FAT1: variants seen among roughly 807,000 people sequenced by gnomAD.
FAT1 encodes protocadherin Fat 1.
A neutral mutation model predicts 329.8 loss-of-function variants in FAT1; 171 were observed. The observed-to-expected ratio is 0.52, with a 90% CI of 0.46 to 0.59. FAT1 has a LOEUF of 0.59. FAT1 is among the 20% of genes least tolerant of loss of function. The probability of loss-of-function intolerance (pLI) is 0.00; values close to 1 mark genes in which losing one functional copy is unlikely to be tolerated. For synonymous variants in FAT1, 2,233 were observed against 2,228.6 expected (o/e 1.00, Z -0.06); for missense variants, 5,672 against 5,774.4 (o/e 0.98, Z 0.57).
chr4:186,688,569 T>C (rs1233659587), intron 2 of FAT1, among the ~76,000 whole-genome samples: 1 of 151,862 alleles, frequency 6.6e-6, no homozygotes, highest in Non-Finnish European at 1.5e-5. Context: ...TCGGAAGAAA[T>C]GAAGGGGGAC....
chr4:186,695,282 G>C (rs1208256448), intron 2 of FAT1, among the ~76,000 whole-genome samples: 1 of 152,146 alleles, frequency 6.6e-6, no homozygotes, highest in African/African-American at 2.4e-5. Flanking sequence ...TACAGCCCAA[G>C]GACACAACAC....
intron 9 of FAT1, among the ~76,000 whole-genome samples, chr4:186,627,651 T>C (rs889861187): frequency 2.6e-4 from 40 of 151,978 alleles, no homozygotes; most frequent in African/African-American, 9.7e-4. Context: ...TCCAGGTAAA[T>C]GTGGAAGGGG....
intron 17 of FAT1, 126 bp downstream of exon 17, chr4:186,605,944 C>A: frequency 1.2e-6 from 1 of 857,448 alleles, no homozygotes; most frequent in Non-Finnish European, 1.8e-6. Flanking sequence ...CTGATAGCGA[C>A]TTCTTGAATT....
rs781727602 is a variant in FAT1, at chr4:186,621,760, G to A, written c.4826C>T (p.Ser1609Phe). 1.5e-5 allele frequency: 23 copies of A among 1,566,566 alleles called. No individual in the cohort carries two copies. Among genetic ancestry groups the A allele is most frequent in the Non-Finnish European group, 3.5e-6 (4 of 1,158,562 alleles). ...YSIESGNIGN[S>F]FMIDPVLGSI... ...GCCCAAGACAGGATCAATCATAAAA[G>A]AATTTCCAATATTTCCTGGAAGGAG... The change falls in exon 10 of 27, where the codon TCT (serine) becomes TTT (phenylalanine). Residue 1609 changes from serine to phenylalanine, a missense_variant. Coordinates refer to ENST00000441802, the MANE Select transcript of FAT1 (RefSeq NM_005245.4).
Position 186,621,317 on chromosome 4 carries a change from C to T in FAT1, c.5269G>A (p.Asp1757Asn), listed in dbSNP as rs369520905. The change falls in exon 10 of 27, where the codon GAT (aspartate) becomes AAT (asparagine). Residue 1757 changes from aspartate to asparagine, a missense_variant. Physicochemically the swap from Asp to Asn is conservative, Grantham distance 23. Coordinates refer to ENST00000441802, the MANE Select transcript of FAT1 (RefSeq NM_005245.4). ...AAAACTGGCGCGTTGTCATTCTCAT[C>T]CTGCAAGTGAACTAGAACCGTTGTA... ...TNTTVLVHLQ[D>N]ENDNAPVFMQ... 2.0e-5 allele frequency: 32 copies of T among 1,614,036 alleles called. 1 individual carries two copies. In the African/African-American group the frequency reaches 3.5e-4, roughly 17 times the overall value.
chr4:186,659,713 G>A (rs973015599), intron 3 of FAT1, among the ~76,000 whole-genome samples: 2 of 150,618 alleles, frequency 1.3e-5, no homozygotes, highest in African/African-American at 4.9e-5. Context: ...GGGCGCTCCT[G>A]CACTCTACAC....
rs761484996 is a variant in FAT1 at position 186,611,560 on chromosome 4, G to A, written c.9679C>T (p.Pro3227Ser). 5.6e-6 allele frequency: 9 copies of A among 1,613,838 alleles called. No homozygotes were observed. Among genetic ancestry groups the A allele is most frequent in the Non-Finnish European group, 7.6e-6 (9 of 1,179,836 alleles). Residue 3227 changes from proline to serine, a missense_variant, in exon 14 of 27, where the codon CCC becomes TCC. Transcript: ENST00000441802. Reference protein sequence around the residue: ...IVSVLDINDNPPVFEYREYGA... With the variant: ...IVSVLDINDNSPVFEYREYGA... ...TATTCACGGTACTCAAACACAGGGG[G>A]GTTGTCATTTATGTCAAGAACTGAT...
At chr4:186,701,460 C>G (rs10031624) in intron 2 of FAT1, among the ~76,000 whole-genome samples, 66,587 of 152,038 alleles carry the variant, frequency 0.44, 16,938 homozygotes, top group Non-Finnish European at 0.58. Context: ...GCTGCCACTT[C>G]AGGGAGGAGC....
chr4:186,689,576 C>T (rs1743646549), intron 2 of FAT1, among the ~76,000 whole-genome samples: 1 of 152,286 alleles, frequency 6.6e-6, no homozygotes, highest in African/African-American at 2.4e-5. Flanking sequence ...ACAAGAATTG[C>T]TTCACTGTAA....
Position 186,590,313 on chromosome 4 carries a change from G to A in FAT1, c.13139-1093C>T, listed in dbSNP as rs1040310537. The A allele has an allele frequency of 4.3e-6, 5 of 1,160,260 alleles. No homozygotes were observed. The Admixed American group carries it at 6.9e-5, about 16-fold the overall frequency. The allele number at this position is 1,160,260 out of a possible 1,614,324, so 71.9% of individuals were successfully genotyped here. ...CGTAGTCAGTCAGCACTGGGGCAAGGCTTGACCCATTGTTTTTAGTGAGTA... is the reference window on the plus strand; with the variant it reads ...CGTAGTCAGTCAGCACTGGGGCAAGACTTGACCCATTGTTTTTAGTGAGTA... On this transcript the variant is annotated intron_variant, in intron 26 of 26. Coordinates refer to ENST00000441802, the MANE Select transcript of FAT1 (RefSeq NM_005245.4).
intron 17 of FAT1, among the ~76,000 whole-genome samples, chr4:186,605,282 A>G (rs1172269803): frequency 2.3e-4 from 23 of 101,324 alleles, no homozygotes; most frequent in Non-Finnish European, 3.4e-4. Context: ...GAAAGAGAAG[A>G]GGTTGACAAG....
At chr4:186,616,955 T>A in intron 11 of FAT1, 50 bp downstream of exon 11, 1 of 1,519,112 alleles carries the variant, frequency 6.6e-7, no homozygotes, top group Non-Finnish European at 9.0e-7. Flanking sequence ...ATTGAAAGAA[T>A]TAAGAAATTG....
chr4:186,676,019 C>G (rs1742942393), intron 2 of FAT1, among the ~76,000 whole-genome samples: 1 of 151,942 alleles, frequency 6.6e-6, no homozygotes. Flanking sequence ...AAAATGAGGT[C>G]CTATGAGAAG....
chr4:186,694,530 T>C (rs555497186), intron 2 of FAT1, among the ~76,000 whole-genome samples: 1 of 152,248 alleles, frequency 6.6e-6, no homozygotes, highest in South Asian at 2.1e-4. Flanking sequence ...AAAACTACTT[T>C]TAGTTTACAT....
intron 22 of FAT1, among the ~76,000 whole-genome samples, chr4:186,599,365 G>A (rs1738683996): frequency 1.3e-5 from 2 of 152,238 alleles, no homozygotes; most frequent in African/African-American, 4.8e-5. Context: ...TGGTAAGTGG[G>A]CCTAACAGGA....
chr4:186,695,500 G>C (rs1223677627), intron 2 of FAT1, among the ~76,000 whole-genome samples: 1 of 152,136 alleles, frequency 6.6e-6, no homozygotes, highest in African/African-American at 2.4e-5. Context: ...ATATTAAAAA[G>C]GACAAATTTA....
At position 186,654,994 on chromosome 4, in the gene FAT1, A is replaced by T. The variant is rs114752052; in HGVS notation, c.3580+8305T>A. Among the ~76,000 whole-genome samples the T allele has an allele frequency of 4.0e-3, 614 of 152,304 alleles. 6 individuals carry two copies. The highest frequency in any genetic ancestry group is 0.014 in the African/African-American group (579 of 41,560). ...AGAAACATTAAGCTGAAACAAACTC[A>T]AAACACAAAACCTCCATTAAGAAGA... On this transcript the variant is annotated intron_variant, in intron 3 of 26. Transcript: ENST00000441802.
intron 2 of FAT1, among the ~76,000 whole-genome samples, chr4:186,685,174 TCAAA>T (rs753162252): frequency 2.6e-5 from 4 of 152,112 alleles, no homozygotes; most frequent in Non-Finnish European, 5.9e-5. Flanking sequence ...TACACTGAGA[TCAAA>T]CAAAGCATTC....
intron 14 of FAT1, among the ~76,000 whole-genome samples, chr4:186,610,578 A>G (rs1186138047): frequency 6.9e-6 from 1 of 145,690 alleles, no homozygotes; most frequent in Non-Finnish European, 1.5e-5. Context: ...TAATTTTATT[A>G]TAAATATAAA....
Sources: allele counts gnomAD v4.1 joint callset (sites outside exome capture counted in the v4.1 genomes callset), GRCh38; gene constraint gnomAD v4.1.1; transcripts MANE v1.5; gene names NCBI Gene and HGNC (gene_info 2026-07-23, HGNC 2026-07-21).